Variants in GPHN observed in about 807,000 individuals in gnomAD.
The protein encoded by GPHN is gephyrin.
A neutral mutation model predicts 95.5 loss-of-function variants in GPHN; 17 were observed. The ratio of observed to expected loss-of-function variants is 0.18; its 90% CI spans 0.12 to 0.27. The LOEUF is 0.27. GPHN is among the 10% of genes least tolerant of loss of function. The probability of loss-of-function intolerance (pLI) is 1.00; values close to 1 mark genes in which losing one functional copy is unlikely to be tolerated. For missense variants in GPHN, 660 were observed against 978.1 expected (o/e 0.67, Z 4.34); for synonymous variants, 320 against 322.5 (o/e 0.99, Z 0.08).
the GPHN span, among the ~76,000 whole-genome samples, chr14:67,661,529 CTTTTT>C: frequency 3.6e-5 from 4 of 110,068 alleles, no homozygotes; most frequent in South Asian, 2.9e-4. Context: ...GAACAGTAAC[CTTTTT>C]TTTTTTTTTT....
At chr14:66,510,581 C>A (rs1299482384) in intron 1 of GPHN, among the ~76,000 whole-genome samples, 1 of 152,048 alleles carries the variant, frequency 6.6e-6, no homozygotes, top group Admixed American at 6.5e-5. Context: ...AATACATTAC[C>A]TATGAGTTTG....
At chr14:67,690,546 A>T in the GPHN span, 1 of 750,966 alleles carries the variant, frequency 1.3e-6, no homozygotes. Context: ...CCAACTTTTC[A>T]TTATCAACTA....
chr14:66,623,910 C>CT (rs2063415407), intron 1 of GPHN, among the ~76,000 whole-genome samples: 1 of 152,116 alleles, frequency 6.6e-6, no homozygotes. Flanking sequence ...TAATATTTCA[C>CT]CTCCTTGAGC....
chr14:66,902,055 G>T (rs1160501151), intron 5 of GPHN, among the ~76,000 whole-genome samples: 3 of 151,838 alleles, frequency 2.0e-5, no homozygotes, highest in Non-Finnish European at 4.4e-5. Context: ...TTTCATCAAT[G>T]TTTTATGGTT....
chr14:67,591,156 A>G, the GPHN span, among the ~76,000 whole-genome samples: 1 of 152,188 alleles, frequency 6.6e-6, no homozygotes, highest in Non-Finnish European at 1.5e-5. Context: ...TAGGTAGTTT[A>G]AAGTAAGAGG....
chr14:67,392,754 G>A, the GPHN span: 6 of 1,614,048 alleles, frequency 3.7e-6, no homozygotes, highest in Admixed American at 8.3e-5. Context: ...ACAGGCCTGA[G>A]GAAGTTCTCC....
the GPHN span, chr14:67,685,168 G>C: frequency 6.2e-7 from 1 of 1,614,144 alleles, no homozygotes; most frequent in Non-Finnish European, 8.5e-7. Flanking sequence ...AGATTGGACT[G>C]TGCCAGGGTG....
the GPHN span, among the ~76,000 whole-genome samples, chr14:67,437,298 A>T: frequency 6.6e-6 from 1 of 152,210 alleles, no homozygotes; most frequent in South Asian, 2.1e-4. Flanking sequence ...AAGTCACAAA[A>T]TGATGTGAAA....
At chr14:67,601,824 C>CT in the GPHN span, among the ~76,000 whole-genome samples, 5 of 151,596 alleles carry the variant, frequency 3.3e-5, no homozygotes, top group African/African-American at 1.2e-4. Context: ...ATCACTTGAA[C>CT]TTAGGAGTTC....
At chr14:66,653,878 A>G (rs763481942) in intron 1 of GPHN, among the ~76,000 whole-genome samples, 9 of 152,214 alleles carry the variant, frequency 5.9e-5, no homozygotes, top group Non-Finnish European at 1.3e-4. Context: ...AAACTACTGT[A>G]ACCCCCTATA....
chr14:67,383,606 T>C, the GPHN span: 2 of 914,664 alleles, frequency 2.2e-6, no homozygotes, highest in Admixed American at 4.4e-5. Flanking sequence ...CCCTCCTAAA[T>C]GTCAGCTGTT....
chr14:67,081,722 A>G (rs763052443), intron 11 of GPHN, among the ~76,000 whole-genome samples: 5 of 152,188 alleles, frequency 3.3e-5, no homozygotes, highest in Non-Finnish European at 7.4e-5. Flanking sequence ...TAGAATTTTT[A>G]TAGTTTCAGT....
At chr14:67,411,902 G>C in the GPHN span, 1 of 951,804 alleles carries the variant, frequency 1.1e-6, no homozygotes, top group South Asian at 1.7e-5. Context: ...CACCATGGGG[G>C]TTGGGGATGG....
Position 66,975,795 on chromosome 14 carries a change from C to A in GPHN, c.963+10470C>A, listed in dbSNP as rs539683703. ...AGCTACTCAGGAGAATCACTTGAAC[C>A]CAGGCGGTTAAGGCTGCAGTGAGCT... On this transcript the variant is annotated intron_variant, in intron 9 of 22. Coordinates refer to ENST00000478722, the MANE Select transcript of GPHN (RefSeq NM_020806.5). Among the ~76,000 whole-genome samples the A allele has an allele frequency of 6.6e-5, 10 of 152,236 alleles. No homozygotes were observed. In the South Asian group the frequency reaches 1.2e-3, roughly 19 times the overall value.
chr14:67,661,301 T>TTA, the GPHN span, among the ~76,000 whole-genome samples: 1 of 88,602 alleles, frequency 1.1e-5, no homozygotes, highest in African/African-American at 4.5e-5. Flanking sequence ...AAAAAAAAAG[T>TTA]TTTTTTTTTT....
the GPHN span, among the ~76,000 whole-genome samples, chr14:67,341,993 C>T: frequency 8.8e-4 from 134 of 151,598 alleles, no homozygotes; most frequent in African/African-American, 3.0e-3. Flanking sequence ...GCAGCATGCT[C>T]GTTAAGAGTC....
intron 1 of GPHN, among the ~76,000 whole-genome samples, chr14:66,675,973 T>C (rs1361291091): frequency 6.6e-6 from 1 of 152,136 alleles, no homozygotes; most frequent in Non-Finnish European, 1.5e-5. Context: ...ATCCTGCAAC[T>C]TTACTGAATT....
At chr14:66,872,075 T>C (rs1162293914) in intron 4 of GPHN, among the ~76,000 whole-genome samples, 1 of 152,232 alleles carries the variant, frequency 6.6e-6, no homozygotes. Flanking sequence ...ACCAGTAAAT[T>C]GCATCAATTC....
intron 9 of GPHN, among the ~76,000 whole-genome samples, chr14:66,992,709 G>A (rs796448083): frequency 1.9e-4 from 29 of 152,220 alleles, no homozygotes; most frequent in African/African-American, 6.7e-4. Context: ...CGATAACTCA[G>A]AGATCAGCAA....
Sources: gnomAD v4.1 joint callset for allele counts (sites outside exome capture counted in the v4.1 genomes callset) on GRCh38, gnomAD v4.1.1 for gene constraint, MANE v1.5 for transcripts, NCBI Gene and HGNC (gene_info 2026-07-23, HGNC 2026-07-21) for gene names.